PDE4D: variants seen among roughly 807,000 people sequenced by gnomAD.
The protein encoded by PDE4D is 3',5'-cyclic-AMP phosphodiesterase 4D.
Under a neutral mutation model 87.4 loss-of-function variants are expected in PDE4D, and 24 were observed. The observed-to-expected ratio is 0.27, with a 90% confidence interval of 0.20 to 0.39. The LOEUF is 0.39. Ranked by LOEUF, PDE4D falls within the 10% of genes least tolerant of loss-of-function variation. The pLI, the probability that PDE4D is intolerant of heterozygous loss-of-function variation, is 1.00. For missense variants in PDE4D, 714 were observed against 1,041.0 expected (o/e 0.69, Z 4.32); for synonymous variants, 384 against 383.2 (o/e 1.00, Z -0.02).
At chr5:59,887,035 A>C (rs1396906593) in intron 1 of PDE4D, among the ~76,000 whole-genome samples, 1 of 152,150 alleles carries the variant, frequency 6.6e-6, no homozygotes, top group Non-Finnish European at 1.5e-5. Flanking sequence ...GGAAGTGGCA[A>C]GGAAAAAACA....
chr5:59,203,042 TAG>T (rs1328874818), intron 2 of PDE4D, among the ~76,000 whole-genome samples: 229 of 152,276 alleles, frequency 1.5e-3, no homozygotes, highest in African/African-American at 5.3e-3. Flanking sequence ...AAAACCTGAA[TAG>T]GTCTTTCTCA....
At chr5:60,022,952 C>T (rs1399107826) in intron 2 of PDE4D, among the ~76,000 whole-genome samples, 2 of 152,174 alleles carry the variant, frequency 1.3e-5, no homozygotes, top group Non-Finnish European at 2.9e-5. Context: ...ATGCTGACTC[C>T]TCAACACATC....
intron 2 of PDE4D, among the ~76,000 whole-genome samples, chr5:59,197,450 T>C (rs1343973236): frequency 4.6e-5 from 7 of 152,180 alleles, no homozygotes; most frequent in African/African-American, 1.7e-4. Context: ...GTGGCAGATG[T>C]CCTCGATAAA....
chr5:59,597,880 T>A (rs1826925248), intron 1 of PDE4D, among the ~76,000 whole-genome samples: 1 of 152,160 alleles, frequency 6.6e-6, no homozygotes, highest in South Asian at 2.1e-4. Flanking sequence ...TCCTTGCTGT[T>A]TTTAACATTC....
At chr5:59,240,765 C>T (rs1297175187) in intron 1 of PDE4D, among the ~76,000 whole-genome samples, 7 of 138,660 alleles carry the variant, frequency 5.0e-5, no homozygotes, top group Admixed American at 1.5e-4. Context: ...TGTGAGTCTT[C>T]GGAAAAATTC....
At chr5:59,403,633 AG>A (rs1791087687) in intron 1 of PDE4D, among the ~76,000 whole-genome samples, 1 of 152,174 alleles carries the variant, frequency 6.6e-6, no homozygotes, top group Non-Finnish European at 1.5e-5. Context: ...TGCAAATGAC[AG>A]GATCTCATTT....
intron 2 of PDE4D, among the ~76,000 whole-genome samples, chr5:60,118,639 C>T (rs1223371455): frequency 6.6e-6 from 1 of 150,942 alleles, no homozygotes; most frequent in East Asian, 1.9e-4. Flanking sequence ...AACATGTGGG[C>T]TCAAATGGCC....
At chr5:59,444,306 C>T (rs560579524) in intron 1 of PDE4D, among the ~76,000 whole-genome samples, 1 of 152,108 alleles carries the variant, frequency 6.6e-6, no homozygotes, top group East Asian at 1.9e-4. Flanking sequence ...ACATTAATGC[C>T]GAAAGATAAC....
At chr5:59,298,428 T>C (rs1434401347) in intron 1 of PDE4D, among the ~76,000 whole-genome samples, 1 of 152,134 alleles carries the variant, frequency 6.6e-6, no homozygotes, top group Non-Finnish European at 1.5e-5. Flanking sequence ...AGTGTAACTT[T>C]TAAAGTTTCC....
chr5:59,678,510 G>A (rs1748486837), intron 1 of PDE4D, among the ~76,000 whole-genome samples: 1 of 152,104 alleles, frequency 6.6e-6, no homozygotes, highest in Admixed American at 6.6e-5. Context: ...CTGTCACCCA[G>A]GCTGGAGTGC....
chr5:60,366,802 G>T (rs1159982173), intron 1 of PDE4D, among the ~76,000 whole-genome samples: 2 of 152,178 alleles, frequency 1.3e-5, no homozygotes, highest in Non-Finnish European at 2.9e-5. Context: ...TAAACTTCAT[G>T]CAAATGAAAT....
intron 3 of PDE4D, among the ~76,000 whole-genome samples, chr5:59,954,334 TGAG>T (rs1413651373): frequency 6.6e-6 from 1 of 152,212 alleles, no homozygotes; most frequent in African/African-American, 2.4e-5. Context: ...GGCATGGGTT[TGAG>T]AAGAACCAGG....
chr5:58,989,616 G>C (rs1195956245), intron 10 of PDE4D, 139 bp downstream of exon 10: 1 of 559,828 alleles, frequency 1.8e-6, no homozygotes, highest in Admixed American at 3.6e-5. Flanking sequence ...ATTAACTATA[G>C]CATTTTCCCC....
chr5:59,191,498 T>G (rs562643050), intron 3 of PDE4D, among the ~76,000 whole-genome samples: 1 of 151,820 alleles, frequency 6.6e-6, no homozygotes, highest in African/African-American at 2.4e-5. Flanking sequence ...ATGATGTTAC[T>G]TACATTGTTA....
chr5:59,739,763 C>T (rs574475016), intron 1 of PDE4D, among the ~76,000 whole-genome samples: 1 of 152,212 alleles, frequency 6.6e-6, no homozygotes, highest in Admixed American at 6.5e-5. Flanking sequence ...CATCTTAATG[C>T]ACCAATCCAG....
rs1471087954 is a variant in PDE4D at position 60,196,890 on chromosome 5, G to A, written c.-89-11203C>T. 2.0e-5 allele frequency among the ~76,000 whole-genome samples: 3 copies of A among 151,464 alleles called. No individual in the cohort carries two copies. The East Asian group carries it at 5.8e-4, about 29-fold the overall frequency. ...TAGAAATGGCATTTCACTGAGGGTT[G>A]TAGAATGTATGTAGAGACTGCTGTC... On this transcript the variant is annotated intron_variant, in intron 1 of 16. Transcript: ENST00000502484.
Position 59,540,864 on chromosome 5 carries a change from T to C in PDE4D, c.456-324896A>G, listed in dbSNP as rs150171298. On this transcript the variant is annotated intron_variant, in intron 1 of 14. Coordinates refer to ENST00000340635, the MANE Select transcript of PDE4D (RefSeq NM_001104631.2). ...ATTCCATTAACCTCTGTGTCCTCTG[T>C]TGTGTCATTGTGCTGAGAAGAGCAA... is the stretch of plus-strand genomic sequence containing the variant. 1.8e-4 allele frequency among the ~76,000 whole-genome samples: 27 copies of C among 152,330 alleles called. 1 individual carries two copies. The highest frequency in any genetic ancestry group is 7.9e-4 in the Admixed American group (12 of 15,282).
chr5:59,467,334 G>C (rs527540213), intron 1 of PDE4D, among the ~76,000 whole-genome samples: 2 of 152,232 alleles, frequency 1.3e-5, no homozygotes, highest in East Asian at 1.9e-4. Context: ...ACATGATATA[G>C]GGTCTGAGTT....
chr5:59,450,121 CTCTAT>C (rs1371289487), intron 1 of PDE4D, among the ~76,000 whole-genome samples: 3 of 152,144 alleles, frequency 2.0e-5, no homozygotes, highest in African/African-American at 7.2e-5. Flanking sequence ...AAACCAAAAG[CTCTAT>C]TCTGACTATG....
Sources: gnomAD v4.1 joint callset for allele counts (sites outside exome capture counted in the v4.1 genomes callset) on GRCh38, gnomAD v4.1.1 for gene constraint, MANE v1.5 for transcripts, NCBI Gene and HGNC (gene_info 2026-07-23, HGNC 2026-07-21) for gene names.